KIAA0319: variants seen among roughly 807,000 people sequenced by gnomAD.
KIAA0319 encodes dyslexia-associated protein KIAA0319.
KIAA0319 carries 83 observed loss-of-function variants against 108.4 expected under a neutral mutation model. That is an observed-to-expected ratio of 0.77 (90% CI 0.64 to 0.92). The LOEUF is 0.92. Among genes scored for constraint, KIAA0319 ranks in the 40% least tolerant of loss-of-function variants. The pLI, the probability that KIAA0319 is intolerant of heterozygous loss-of-function variation, is 0.00. For synonymous variants in KIAA0319, 484 were observed against 510.4 expected, an observed-to-expected ratio of 0.95 and a Z score of 0.70; for missense variants, 1,195 against 1,322.4, an observed-to-expected ratio of 0.90 and a Z score of 1.49.
Position 24,564,299 on chromosome 6 carries a change from A to C in KIAA0319, c.2334T>G (p.Leu778=). The change falls in exon 15 of 21, where the codon CTT becomes CTG. Residue 778 remains leucine (L), a synonymous_variant. Transcript: ENST00000378214. Reference sequence around the variant, plus strand: ...TGTACACCCCCTCCACCAGATTCGTAAGCTGCAGAGCCACACTGTGGTCAG... The same window carrying C: ...TGTACACCCCCTCCACCAGATTCGTCAGCTGCAGAGCCACACTGTGGTCAG... The part of the protein sequence containing the change: ...DGSDHSVALQ[L]TNLVEGVYTF... The C allele has an allele frequency of 6.2e-7, 1 of 1,614,138 alleles. No homozygotes were observed. Among genetic ancestry groups the C allele is most frequent in the Non-Finnish European group, 8.5e-7 (1 of 1,180,000 alleles).
intron 2 of KIAA0319, among the ~76,000 whole-genome samples, chr6:24,597,650 G>A (rs1398937051): frequency 2.6e-5 from 4 of 152,124 alleles, no homozygotes; most frequent in African/African-American, 4.8e-5. Context: ...GGAACCTGTC[G>A]CCTATGTTTG....
intron 1 of KIAA0319, among the ~76,000 whole-genome samples, chr6:24,608,847 C>T (rs1771832874): frequency 1.5e-5 from 2 of 134,470 alleles, no homozygotes; most frequent in East Asian, 2.4e-4. Flanking sequence ...AGGAGAATGG[C>T]GTGAACCCGG....
intron 1 of KIAA0319, among the ~76,000 whole-genome samples, chr6:24,637,083 C>G (rs956209937): frequency 1.3e-5 from 2 of 152,146 alleles, no homozygotes; most frequent in Non-Finnish European, 2.9e-5. Context: ...GAAGATGAAA[C>G]ATGGTTTTAC....
chr6:24,576,644 G>A (rs1389510087), intron 9 of KIAA0319, 48 bp from the exon 10 acceptor site: 1 of 1,458,972 alleles, frequency 6.9e-7, no homozygotes, highest in South Asian at 1.1e-5. Flanking sequence ...GCCAGGCTGG[G>A]TGCAGTGACT....
Position 24,596,582 on chromosome 6 carries a change from T to C in KIAA0319, c.92A>G (p.Tyr31Cys). The change falls in exon 3 of 21, where the codon TAT becomes TGT. Residue 31 changes from tyrosine (Y) to cysteine (C), a missense_variant. By Grantham distance (194) the Tyr-to-Cys change is radical. Coordinates refer to ENST00000378214, the MANE Select transcript of KIAA0319 (RefSeq NM_014809.4). ...GTTAGGTGAAATGACTGCATTGGAA[T>C]ATGTCCTCCCCTCGCTGCACTGCTT... is the stretch of plus-strand genomic sequence containing the variant. ...ARKQCSEGRT[Y>C]SNAVISPNLE... 1.2e-6 allele frequency: 2 copies of C among 1,613,230 alleles called. No individual in the cohort carries two copies. The highest frequency in any genetic ancestry group is 1.7e-6 in the Non-Finnish European group (2 of 1,179,560).
In KIAA0319 at chr6:24,568,881, AG is replaced by A. The variant is rs1187021849; in HGVS notation, c.2039del (p.Thr680MetfsTer2). On this transcript the variant is annotated frameshift_variant, in exon 13 of 21. Coordinates refer to ENST00000378214, the MANE Select transcript of KIAA0319 (RefSeq NM_014809.4). LOFTEE classifies it high-confidence loss of function. ...EMENIDKAIA[T>X]VTGLQVGTYH... ...AGGTCCCCACCTGGAGACCAGTCAC[AG>A]TGGCTATTGCTTTGTCAATATTTTC... 1 of 1,614,096 alleles carries A rather than the reference AG, an allele frequency of 6.2e-7. No individual in the cohort carries two copies. Among genetic ancestry groups the A allele is most frequent in the Non-Finnish European group, 8.5e-7 (1 of 1,180,022 alleles).
In KIAA0319 at chr6:24,545,027, A is replaced by G. The variant is rs1561890045; in HGVS notation, c.*2138T>C. The G allele has an allele frequency of 6.6e-6, 1 of 152,196 alleles. No individual in the cohort carries two copies. The highest frequency in any genetic ancestry group is 1.5e-5 in the Non-Finnish European group (1 of 68,040). 9.4% of individuals were successfully genotyped at this position (152,196 alleles called of 1,614,324 possible). ...GCCCGGGTGTGATCCACAGGAGACT[A>G]TGCAGGCCATCTCTCCCTCTGACCT... On this transcript the variant is annotated 3_prime_UTR_variant, in exon 21 of 21. Transcript: ENST00000378214.
intron 2 of KIAA0319, chr6:24,600,559 C>A (rs1770470410): frequency 1.1e-6 from 1 of 885,186 alleles, no homozygotes; most frequent in Non-Finnish European, 1.8e-6. Flanking sequence ...TACATTTGGA[C>A]AAACTGTACA....
At chr6:24,577,853 C>T (rs1582028990) in intron 9 of KIAA0319, among the ~76,000 whole-genome samples, 1 of 152,072 alleles carries the variant, frequency 6.6e-6, no homozygotes, top group Non-Finnish European at 1.5e-5. Flanking sequence ...GATGGTAAAG[C>T]GTAATTAAAT....
intron 1 of KIAA0319, among the ~76,000 whole-genome samples, chr6:24,610,101 T>C (rs1159788150): frequency 6.6e-6 from 1 of 151,866 alleles, no homozygotes; most frequent in Non-Finnish European, 1.5e-5. Flanking sequence ...ATCACCAAAA[T>C]GAAAAACTTT....
At chr6:24,618,910 T>C (rs1279571318) in intron 1 of KIAA0319, among the ~76,000 whole-genome samples, 1 of 152,204 alleles carries the variant, frequency 6.6e-6, no homozygotes, top group Admixed American at 6.5e-5. Flanking sequence ...AATAGCAGAT[T>C]AGACACTGCT....
At chr6:24,622,300 T>A in intron 1 of KIAA0319, among the ~76,000 whole-genome samples, 1 of 127,896 alleles carries the variant, frequency 7.8e-6, no homozygotes. Flanking sequence ...AACCAAGGAC[T>A]GCTAGACATT....
At chr6:24,540,717 A>G (rs772504506), downstream of KIAA0319, among the ~76,000 whole-genome samples, 3 of 149,154 alleles carry the variant, frequency 2.0e-5, no homozygotes, top group Non-Finnish European at 4.4e-5. Context: ...TACTGTTGAT[A>G]TGTGGATCTG....
At chr6:24,640,675 C>T (rs1042324330) in intron 1 of KIAA0319, among the ~76,000 whole-genome samples, 2 of 151,990 alleles carry the variant, frequency 1.3e-5, no homozygotes, top group African/African-American at 4.8e-5. Context: ...TTTTTTGAGA[C>T]AGGGTCTTGT....
chr6:24,594,973 G>A (rs1769230490), intron 3 of KIAA0319, among the ~76,000 whole-genome samples: 1 of 152,240 alleles, frequency 6.6e-6, no homozygotes, highest in South Asian at 2.1e-4. Flanking sequence ...CTGACCTCCT[G>A]CCATTAACAC....
rs1387377002 is a variant in KIAA0319 at position 24,553,292 on chromosome 6, T to TACAC, written c.2948+1248_2948+1249insGTGT. Among the ~76,000 whole-genome samples, 65 of 95,018 alleles carry TACAC rather than the reference T, an allele frequency of 6.8e-4. No individual in the cohort carries two copies. The East Asian group carries it at 7.5e-3, about 11-fold the overall frequency. 62.3% of individuals were successfully genotyped at this position (95,018 alleles called of 152,430 possible). A position where few individuals can be genotyped will look rare whatever the true frequency, so the allele number is the denominator to read the frequency against. ...TGAGATAGATATATATATATATATA[T>TACAC]ATACACACACACACACACACACACA... On this transcript the variant is annotated intron_variant, in intron 19 of 20. Transcript: ENST00000378214.
chr6:24,567,456 C>G (rs1764062164), intron 13 of KIAA0319, among the ~76,000 whole-genome samples: 1 of 152,130 alleles, frequency 6.6e-6, no homozygotes, highest in Non-Finnish European at 1.5e-5. Flanking sequence ...AATCCTAACA[C>G]TTGGGGAGGC....
At chr6:24,552,968 G>A (rs1443339568) in intron 19 of KIAA0319, among the ~76,000 whole-genome samples, 2 of 151,990 alleles carry the variant, frequency 1.3e-5, no homozygotes, top group Non-Finnish European at 1.5e-5. Context: ...ACATGAAAGA[G>A]TGGACCTGAT....
At chr6:24,579,443 TC>T (rs1394352482) in intron 8 of KIAA0319, among the ~76,000 whole-genome samples, 6 of 122,842 alleles carry the variant, frequency 4.9e-5, no homozygotes, top group Admixed American at 1.6e-4. Flanking sequence ...CTTATATATC[TC>T]ATATATATCT....
Sources: allele counts gnomAD v4.1 joint callset (sites outside exome capture counted in the v4.1 genomes callset), GRCh38; gene constraint gnomAD v4.1.1; transcripts MANE v1.5; gene names NCBI Gene and HGNC (gene_info 2026-07-23, HGNC 2026-07-21).